DCHS2: variants seen among roughly 807,000 people sequenced by gnomAD.
The protein encoded by DCHS2 is dachsous cadherin-related 2, also known as protocadherin-23.
A neutral mutation model predicts 182.4 loss-of-function variants in DCHS2; 142 were observed. The observed-to-expected ratio is 0.78, with a 90% CI of 0.68 to 0.89. DCHS2 has a LOEUF of 0.89. Among genes scored for constraint, DCHS2 ranks in the 40% least tolerant of loss-of-function variants. The pLI is 0.00. For missense variants in DCHS2, 4,319 were observed against 4,198.6 expected (o/e 1.03, Z -0.79); for synonymous variants, 1,740 against 1,663.3 (o/e 1.05, Z -1.12).
intron 3 of DCHS2, among the ~76,000 whole-genome samples, chr4:154,365,943 C>T (rs1730332118): frequency 6.6e-6 from 1 of 151,904 alleles, no homozygotes; most frequent in Non-Finnish European, 1.5e-5. Flanking sequence ...CCACCGCACC[C>T]AGTCAACACC....
In DCHS2 at chr4:154,305,079, A is replaced by G. The variant is rs1735389542; in HGVS notation, c.5395+18T>C. 1 of 1,585,888 alleles carries G rather than the reference A, an allele frequency of 6.3e-7. No individual in the cohort carries two copies. Reference sequence around the variant, plus strand: ...ATTTTTAATTTTTATTTTTTAGCCTACTCAAAGAATCCCTTACCTCGAAGG... The same window carrying G: ...ATTTTTAATTTTTATTTTTTAGCCTGCTCAAAGAATCCCTTACCTCGAAGG... On this transcript the variant is annotated intron_variant, in intron 11 of 19. Coordinates refer to ENST00000357232, the MANE Select transcript of DCHS2 (RefSeq NM_001358235.2).
At chr4:154,296,237 T>TA (rs1734916386) in intron 13 of DCHS2, among the ~76,000 whole-genome samples, 1 of 152,184 alleles carries the variant, frequency 6.6e-6, no homozygotes, top group Non-Finnish European at 1.5e-5. Context: ...TTAGTTGAGT[T>TA]AAACATCGTG....
intron 3 of DCHS2, among the ~76,000 whole-genome samples, chr4:154,359,900 C>T (rs1348140880): frequency 6.6e-6 from 1 of 151,868 alleles, no homozygotes; most frequent in Non-Finnish European, 1.5e-5. Flanking sequence ...AAAGAAATTC[C>T]TGTCACAATG....
At chr4:154,324,978 A>G (rs1282780583) in intron 7 of DCHS2, among the ~76,000 whole-genome samples, 2 of 152,206 alleles carry the variant, frequency 1.3e-5, no homozygotes, top group Admixed American at 6.5e-5. Flanking sequence ...AAAGATGGGA[A>G]TAATGTAATA....
chr4:154,486,643 G>A, intron 1 of DCHS2: 4 of 957,176 alleles, frequency 4.2e-6, no homozygotes, highest in Non-Finnish European at 5.6e-6. Context: ...AGGCAAGATG[G>A]GGGAGTTGGT....
At chr4:154,429,769 A>G (rs1309487920) in intron 1 of DCHS2, among the ~76,000 whole-genome samples, 3 of 151,848 alleles carry the variant, frequency 2.0e-5, no homozygotes, top group Middle Eastern at 3.4e-3. Flanking sequence ...TCTGTCATCA[A>G]TGTCTCCTGT....
At chr4:154,357,188 T>C (rs1729910859) in intron 3 of DCHS2, 1 of 1,471,266 alleles carries the variant, frequency 6.8e-7, no homozygotes, top group African/African-American at 1.4e-5. Context: ...TGCTTCTGAC[T>C]CTGGCTTTTT....
chr4:154,468,552 C>A (rs1211847166), intron 1 of DCHS2, among the ~76,000 whole-genome samples: 1 of 152,080 alleles, frequency 6.6e-6, no homozygotes, highest in Non-Finnish European at 1.5e-5. Context: ...GCTCTAAAGT[C>A]ATGTTTTGAT....
At chr4:154,347,244 A>G (rs897718012) in intron 3 of DCHS2, among the ~76,000 whole-genome samples, 1 of 149,200 alleles carries the variant, frequency 6.7e-6, no homozygotes, top group Non-Finnish European at 1.5e-5. Flanking sequence ...CAGACTTCCT[A>G]CATAAACCTG....
intron 1 of DCHS2, among the ~76,000 whole-genome samples, chr4:154,488,928 G>A (rs1728686005): frequency 7.1e-6 from 1 of 140,788 alleles, no homozygotes; most frequent in South Asian, 2.4e-4. Flanking sequence ...GTGTGTGTGT[G>A]TGTGTATACA....
At chr4:154,414,642 T>G (rs6816500) in intron 1 of DCHS2, among the ~76,000 whole-genome samples, 1 of 152,128 alleles carries the variant, frequency 6.6e-6, no homozygotes, top group East Asian at 1.9e-4. Context: ...GCTATCCAAC[T>G]ACAACTTCCC....
chr4:154,385,784 G>A (rs1423463003), intron 1 of DCHS2, among the ~76,000 whole-genome samples: 1 of 151,904 alleles, frequency 6.6e-6, no homozygotes. Context: ...GAGCCACCAC[G>A]CCCAGCCCAA....
chr4:154,370,494 G>T (rs942233063), intron 2 of DCHS2, among the ~76,000 whole-genome samples: 3 of 152,122 alleles, frequency 2.0e-5, no homozygotes, highest in Non-Finnish European at 2.9e-5. Flanking sequence ...ATTATGCCCT[G>T]TATGCTTATG....
Position 154,489,672 on chromosome 4 carries a change from T to G in DCHS2, c.1684A>C (p.Ser562Arg). The change falls in exon 1 of 20, where the codon AGC (serine) becomes CGC (arginine). Residue 562 changes from serine to arginine, a missense_variant. Coordinates refer to ENST00000357232, the MANE Select transcript of DCHS2 (RefSeq NM_001358235.2). ...AAPGTVVMWVSASDADEAGSD... is the reference protein window; with the variant it reads ...AAPGTVVMWVRASDADEAGSD... ...CCTGCCTCGTCGGCATCGGAGGCGC[T>G]GACCCACATGACTACAGTGCCAGGG... 2 of 1,551,652 alleles carry G rather than the reference T, an allele frequency of 1.3e-6. No individual in the cohort carries two copies. Among genetic ancestry groups the G allele is most frequent in the African/African-American group, 1.4e-5 (1 of 73,168 alleles).
chr4:154,388,717 A>G (rs555980677), intron 1 of DCHS2, among the ~76,000 whole-genome samples: 1 of 151,992 alleles, frequency 6.6e-6, no homozygotes, highest in Admixed American at 6.5e-5. Context: ...GATGGTCTCG[A>G]TCTCCTGACC....
intron 3 of DCHS2, among the ~76,000 whole-genome samples, chr4:154,365,508 T>A (rs972410217): frequency 6.6e-6 from 1 of 151,968 alleles, no homozygotes; most frequent in Non-Finnish European, 1.5e-5. Context: ...TTTTGCTCTG[T>A]CACTCAGGCT....
At chr4:154,439,701 T>G (rs909895422) in intron 1 of DCHS2, among the ~76,000 whole-genome samples, 2 of 152,242 alleles carry the variant, frequency 1.3e-5, no homozygotes, top group East Asian at 1.9e-4. Context: ...TTTTTTCATT[T>G]TATATAGTTA....
intron 1 of DCHS2, among the ~76,000 whole-genome samples, chr4:154,470,479 C>A (rs1277345041): frequency 1.3e-5 from 1 of 79,286 alleles, no homozygotes; most frequent in Non-Finnish European, 2.6e-5. Flanking sequence ...CAGAGCAAGA[C>A]CCTGTCTCAA....
chr4:154,388,881 A>T (rs1731542663), intron 1 of DCHS2, among the ~76,000 whole-genome samples: 1 of 152,214 alleles, frequency 6.6e-6, no homozygotes, highest in Non-Finnish European at 1.5e-5. Flanking sequence ...TGTATTTGAT[A>T]GGCATTGGCC....
Sources: allele counts gnomAD v4.1 joint callset (sites outside exome capture counted in the v4.1 genomes callset), GRCh38; gene constraint gnomAD v4.1.1; transcripts MANE v1.5; gene names NCBI Gene and HGNC (gene_info 2026-07-23, HGNC 2026-07-21).